Variants in MALRD1 observed in about 807,000 individuals in gnomAD.
The protein encoded by MALRD1 is MAM and LDL receptor class A domain containing 1.
A neutral mutation model predicts 242.1 loss-of-function variants in MALRD1; 247 were observed. That is an observed-to-expected ratio of 1.02 (90% CI 0.92 to 1.13). The LOEUF is 1.13. Ranked by LOEUF, MALRD1 falls within the 50% of genes most tolerant of loss-of-function variation. The probability of loss-of-function intolerance (pLI) is 0.00; values close to 1 mark genes in which losing one functional copy is unlikely to be tolerated. For synonymous variants in MALRD1, 995 were observed against 866.6 expected (o/e 1.15, Z -2.60); for missense variants, 2,989 against 2,533.1 (o/e 1.18, Z -3.86).
At chr10:19,699,693 G>A (rs895811538) in intron 38 of MALRD1, among the ~76,000 whole-genome samples, 1 of 152,132 alleles carries the variant, frequency 6.6e-6, no homozygotes, top group Non-Finnish European at 1.5e-5. Context: ...GTAGGCTTCA[G>A]GAGGCTTTTA....
chr10:19,301,915 A>G (rs1841966221), intron 21 of MALRD1, among the ~76,000 whole-genome samples: 1 of 151,898 alleles, frequency 6.6e-6, no homozygotes, highest in Non-Finnish European at 1.5e-5. Flanking sequence ...TAACTAAGCC[A>G]TAAAAAGACA....
intron 25 of MALRD1, among the ~76,000 whole-genome samples, chr10:19,348,505 A>T (rs994896577): frequency 3.3e-5 from 5 of 152,154 alleles, no homozygotes; most frequent in African/African-American, 1.2e-4. Context: ...AGGACCCTGA[A>T]CTTATTCCTA....
chr10:19,340,077 G>T (rs529613329), intron 24 of MALRD1, among the ~76,000 whole-genome samples: 4 of 152,174 alleles, frequency 2.6e-5, no homozygotes, highest in African/African-American at 9.6e-5. Context: ...CCTCCTACCA[G>T]GTCCCTCTCT....
At chr10:19,724,185 T>A (rs1056814398) in intron 38 of MALRD1, among the ~76,000 whole-genome samples, 7 of 152,186 alleles carry the variant, frequency 4.6e-5, no homozygotes, top group Non-Finnish European at 1.0e-4. Flanking sequence ...AAACTAGGTG[T>A]CCGGTGAGTT....
intron 25 of MALRD1, 92 bp downstream of exon 25, chr10:19,348,110 G>T: frequency 7.0e-7 from 1 of 1,431,900 alleles, no homozygotes; most frequent in Non-Finnish European, 9.3e-7. Context: ...AGTGGCTGGG[G>T]CCAGAGAAAA....
At chr10:19,683,758 T>A (rs1403456947) in intron 36 of MALRD1, among the ~76,000 whole-genome samples, 3 of 152,146 alleles carry the variant, frequency 2.0e-5, no homozygotes, top group East Asian at 1.9e-4. Flanking sequence ...TTATACATTC[T>A]TTTATTTATT....
chr10:19,348,580 A>T (rs1374769760), intron 25 of MALRD1, among the ~76,000 whole-genome samples: 2 of 152,186 alleles, frequency 1.3e-5, no homozygotes, highest in African/African-American at 2.4e-5. Context: ...CTGTGAAAAA[A>T]TCATGAAAAC....
Position 19,188,276 on chromosome 10 carries a change from A to G in MALRD1, c.1951+12948A>G, listed in dbSNP as rs12247361. ...AGTTGCTAAGCAAGGAAAATAGCCT[A>G]CTAGGAGAAACTGGGACGTGGCTTA... On this transcript the variant is annotated intron_variant, in intron 14 of 39. Transcript: ENST00000454679. 8.2e-3 allele frequency among the ~76,000 whole-genome samples: 1,242 copies of G among 152,324 alleles called. 19 individuals carry two copies. The highest frequency in any genetic ancestry group is 0.028 in the African/African-American group (1,178 of 41,570).
chr10:19,056,335 T>A (rs567727412), intron 1 of MALRD1, among the ~76,000 whole-genome samples: 1 of 152,104 alleles, frequency 6.6e-6, no homozygotes, highest in Admixed American at 6.6e-5. Context: ...TGGAATACAT[T>A]TTCATGTAAT....
intron 26 of MALRD1, among the ~76,000 whole-genome samples, chr10:19,375,562 C>T (rs1845559853): frequency 6.6e-6 from 1 of 152,056 alleles, no homozygotes. Flanking sequence ...GCCATGCTCT[C>T]CTACTAAGTT....
At chr10:19,506,733 T>C (rs1307335897) in intron 31 of MALRD1, among the ~76,000 whole-genome samples, 4 of 152,138 alleles carry the variant, frequency 2.6e-5, no homozygotes, top group African/African-American at 9.7e-5. Flanking sequence ...AAGAAGTCAT[T>C]ATCTGATAAA....
At chr10:19,548,887 A>G (rs1465263735) in intron 32 of MALRD1, among the ~76,000 whole-genome samples, 3 of 152,200 alleles carry the variant, frequency 2.0e-5, no homozygotes, top group African/African-American at 7.2e-5. Context: ...TGAGGAAAGC[A>G]TGTCGAAAGG....
chr10:19,108,817 C>G (rs1039990081), intron 5 of MALRD1, among the ~76,000 whole-genome samples: 1 of 151,872 alleles, frequency 6.6e-6, no homozygotes, highest in Non-Finnish European at 1.5e-5. Flanking sequence ...ATATAAATTT[C>G]CATTTTGGGT....
chr10:19,101,227 C>T (rs1395303326), intron 4 of MALRD1, among the ~76,000 whole-genome samples: 1 of 143,520 alleles, frequency 7.0e-6, no homozygotes, highest in Non-Finnish European at 1.5e-5. Flanking sequence ...GGAACTGAAT[C>T]CAAATAGTTT....
intron 4 of MALRD1, among the ~76,000 whole-genome samples, chr10:19,097,909 T>A (rs781770798): frequency 1.3e-5 from 2 of 152,224 alleles, no homozygotes; most frequent in Non-Finnish European, 2.9e-5. Context: ...TGATCTTTTT[T>A]TATCCTGTGT....
At chr10:19,271,123 G>C (rs10827187) in intron 19 of MALRD1, among the ~76,000 whole-genome samples, 7 of 151,908 alleles carry the variant, frequency 4.6e-5, no homozygotes, top group Non-Finnish European at 1.5e-5. Context: ...AAGCAATTCC[G>C]TTTCTAGATA....
At chr10:19,606,303 A>G (rs1430471505) in intron 34 of MALRD1, among the ~76,000 whole-genome samples, 2 of 152,096 alleles carry the variant, frequency 1.3e-5, no homozygotes, top group Non-Finnish European at 2.9e-5. Flanking sequence ...TGTGCAAGGA[A>G]TTTTTCAGAC....
chr10:19,263,963 T>A (rs1839864381), intron 19 of MALRD1, among the ~76,000 whole-genome samples: 1 of 152,206 alleles, frequency 6.6e-6, no homozygotes, highest in Non-Finnish European at 1.5e-5. Flanking sequence ...GACAAAGATT[T>A]GAGGATCTTA....
chr10:19,388,622 A>T (rs767956859), intron 27 of MALRD1, among the ~76,000 whole-genome samples: 40 of 152,208 alleles, frequency 2.6e-4, no homozygotes, highest in Non-Finnish European at 4.6e-4. Flanking sequence ...ACCTATAGAG[A>T]TGCCATGAAA....
Sources: allele counts gnomAD v4.1 joint callset (sites outside exome capture counted in the v4.1 genomes callset), GRCh38; gene constraint gnomAD v4.1.1; transcripts MANE v1.5; gene names NCBI Gene and HGNC (gene_info 2026-07-23, HGNC 2026-07-21).